MGAT4C: variants seen among roughly 807,000 people sequenced by gnomAD.
MGAT4C encodes MGAT4 family member C, also known as alpha-1,3-mannosyl-glycoprotein 4-beta-N-acetylglucosaminyltransferase C.
MGAT4C carries 19 observed loss-of-function variants against 40.1 expected under a neutral mutation model. The observed-to-expected ratio is 0.47, with a 90% confidence interval of 0.33 to 0.70. The LOEUF (loss-of-function observed/expected upper bound fraction) is 0.70, where lower values mean the gene tolerates loss of function less well. MGAT4C is among the 30% of genes least tolerant of loss of function. The pLI is 0.02. For synonymous variants in MGAT4C, 181 were observed against 187.1 expected (o/e 0.97, Z 0.27); for missense variants, 491 against 563.2 (o/e 0.87, Z 1.30).
intron 3 of MGAT4C, among the ~76,000 whole-genome samples, chr12:86,389,676 A>T (rs1305737179): frequency 6.6e-6 from 1 of 152,210 alleles, no homozygotes; most frequent in Non-Finnish European, 1.5e-5. Context: ...CAGAACTTGT[A>T]AATTATAAGG....
intron 4 of MGAT4C, among the ~76,000 whole-genome samples, chr12:85,982,948 G>A (rs959688137): frequency 6.6e-6 from 1 of 152,138 alleles, no homozygotes; most frequent in Non-Finnish European, 1.5e-5. Flanking sequence ...AGTACCAGAA[G>A]CAAAGTCACC....
intron 1 of MGAT4C, among the ~76,000 whole-genome samples, chr12:86,802,163 T>G (rs769903007): frequency 3.3e-5 from 5 of 151,956 alleles, no homozygotes; most frequent in Non-Finnish European, 7.4e-5. Context: ...TTTAGAATTG[T>G]TGAAAGATTA....
intron 1 of MGAT4C, among the ~76,000 whole-genome samples, chr12:86,090,104 G>A (rs1028387408): frequency 5.3e-5 from 8 of 151,454 alleles, no homozygotes; most frequent in African/African-American, 1.9e-4. Context: ...AAGTGTTATT[G>A]TCTTGTTCTT....
chr12:86,329,527 C>T (rs1183052103), intron 4 of MGAT4C, among the ~76,000 whole-genome samples: 1 of 152,168 alleles, frequency 6.6e-6, no homozygotes, highest in Non-Finnish European at 1.5e-5. Flanking sequence ...TTACTAAACA[C>T]CTTCTTCATA....
At chr12:86,465,906 C>A (rs1957674141) in intron 2 of MGAT4C, among the ~76,000 whole-genome samples, 1 of 151,880 alleles carries the variant, frequency 6.6e-6, no homozygotes, top group Admixed American at 6.6e-5. Context: ...GAAAATACGT[C>A]CCATCAAAAA....
chr12:86,408,322 T>C (rs533255051), intron 3 of MGAT4C, among the ~76,000 whole-genome samples: 20 of 151,930 alleles, frequency 1.3e-4, no homozygotes, highest in Non-Finnish European at 2.4e-4. Flanking sequence ...CTGAGATGAA[T>C]TGAGTGTTCT....
At chr12:86,824,479 G>C (rs1314645365) in intron 1 of MGAT4C, among the ~76,000 whole-genome samples, 1 of 151,320 alleles carries the variant, frequency 6.6e-6, no homozygotes, top group Non-Finnish European at 1.5e-5. Flanking sequence ...TGATAGTTAA[G>C]ATGGAAAAGG....
chr12:86,618,624 T>C (rs1055863232), intron 2 of MGAT4C, among the ~76,000 whole-genome samples: 2 of 152,020 alleles, frequency 1.3e-5, no homozygotes, highest in African/African-American at 4.8e-5. Context: ...AGTTAAAAAA[T>C]TGATCTCATG....
intron 2 of MGAT4C, among the ~76,000 whole-genome samples, chr12:85,998,291 C>T (rs1262007997): frequency 1.3e-5 from 2 of 152,120 alleles, no homozygotes; most frequent in Non-Finnish European, 2.9e-5. Context: ...TCCTGGGCCT[C>T]CAGACCTGTG....
chr12:86,033,995 G>C (rs1890991920), intron 2 of MGAT4C, among the ~76,000 whole-genome samples: 2 of 149,324 alleles, frequency 1.3e-5, no homozygotes, highest in South Asian at 4.2e-4. Flanking sequence ...GCTTTTTTCT[G>C]TATCTGATGA....
intron 3 of MGAT4C, among the ~76,000 whole-genome samples, chr12:86,395,394 C>CTAAACCAA (rs1282684372): frequency 6.6e-6 from 1 of 151,990 alleles, no homozygotes; most frequent in Admixed American, 6.6e-5. Context: ...ACTGTAATAG[C>CTAAACCAA]TAAACCAATA....
At chr12:86,319,945 A>C (rs1312088918) in intron 4 of MGAT4C, among the ~76,000 whole-genome samples, 1 of 152,178 alleles carries the variant, frequency 6.6e-6, no homozygotes, top group African/African-American at 2.4e-5. Flanking sequence ...GTAAGAAAAT[A>C]AATTCACGAT....
At chr12:86,600,338 C>T (rs1239812069) in intron 2 of MGAT4C, among the ~76,000 whole-genome samples, 1 of 152,122 alleles carries the variant, frequency 6.6e-6, no homozygotes, top group Non-Finnish European at 1.5e-5. Context: ...GGACGTGCAT[C>T]GGTAGCTGTT....
At chr12:86,216,363 C>T (rs1950671032) in intron 1 of MGAT4C, among the ~76,000 whole-genome samples, 1 of 152,124 alleles carries the variant, frequency 6.6e-6, no homozygotes, top group African/African-American at 2.4e-5. Context: ...AAAAGCTTCC[C>T]TACAGAAGGC....
At chr12:86,150,896 T>C (rs1884184481) in intron 1 of MGAT4C, among the ~76,000 whole-genome samples, 1 of 152,200 alleles carries the variant, frequency 6.6e-6, no homozygotes, top group Non-Finnish European at 1.5e-5. Flanking sequence ...TGTGTAACAA[T>C]GCATGATAAG....
chr12:86,315,008 T>C (rs1248424662), intron 4 of MGAT4C, among the ~76,000 whole-genome samples: 6 of 105,764 alleles, frequency 5.7e-5, no homozygotes, highest in African/African-American at 1.8e-4. Flanking sequence ...CTAAAATTCA[T>C]ATAGAACTGA....
chr12:86,800,732 T>C (rs1286165360), intron 1 of MGAT4C, among the ~76,000 whole-genome samples: 1 of 151,842 alleles, frequency 6.6e-6, no homozygotes, highest in African/African-American at 2.4e-5. Context: ...GAAAACAAAT[T>C]AGAACTGAGA....
intron 4 of MGAT4C, among the ~76,000 whole-genome samples, chr12:86,326,222 C>T (rs1025010394): frequency 6.6e-6 from 1 of 151,568 alleles, no homozygotes; most frequent in African/African-American, 2.4e-5. Flanking sequence ...ATCTAATGTA[C>T]AGCTTGGTGA....
intron 1 of MGAT4C, among the ~76,000 whole-genome samples, chr12:86,156,599 G>C (rs1165238446): frequency 1.3e-5 from 2 of 152,180 alleles, no homozygotes; most frequent in Non-Finnish European, 2.9e-5. Flanking sequence ...GGGAATACAG[G>C]TGTGAGCCAC....
Sources: allele counts gnomAD v4.1 joint callset (sites outside exome capture counted in the v4.1 genomes callset), GRCh38; gene constraint gnomAD v4.1.1; transcripts MANE v1.5; gene names NCBI Gene and HGNC (gene_info 2026-07-23, HGNC 2026-07-21).